NTRK2: variants seen among roughly 807,000 people sequenced by gnomAD.
The protein encoded by NTRK2 is BDNF/NT-3 growth factors receptor.
NTRK2 carries 13 observed loss-of-function variants against 94.5 expected under a neutral mutation model. The observed-to-expected ratio is 0.14, with a 90% CI of 0.09 to 0.22. NTRK2 has a LOEUF of 0.22. NTRK2 is among the 10% of genes least tolerant of loss of function. The pLI, the probability that NTRK2 is intolerant of heterozygous loss-of-function variation, is 1.00. For missense variants in NTRK2, 639 were observed against 1,071.2 expected (o/e 0.60, Z 5.63); for synonymous variants, 372 against 407.4 (o/e 0.91, Z 1.05).
intron 8 of NTRK2, 96 bp from the exon 9 acceptor site, chr9:84,727,558 T>C (rs2062554336): frequency 2.2e-5 from 27 of 1,215,158 alleles, no homozygotes; most frequent in Non-Finnish European, 2.7e-5. Flanking sequence ...AGCCAAACAA[T>C]GGTTGAGTAA....
At chr9:84,691,698 G>A (rs1441613432) in intron 2 of NTRK2, among the ~76,000 whole-genome samples, 1 of 152,168 alleles carries the variant, frequency 6.6e-6, no homozygotes, top group Non-Finnish European at 1.5e-5. Flanking sequence ...GGGGGAAGCA[G>A]CCCTGTGACT....
chr9:84,671,519 T>A (rs1226543504), intron 2 of NTRK2, among the ~76,000 whole-genome samples: 4 of 152,182 alleles, frequency 2.6e-5, no homozygotes, highest in Non-Finnish European at 1.5e-5. Flanking sequence ...TTGAAAATGA[T>A]CTGTAAGAGG....
chr9:84,701,973 C>G (rs760070919), intron 2 of NTRK2, among the ~76,000 whole-genome samples, 186 bp from the exon 3 acceptor site: 5 of 152,098 alleles, frequency 3.3e-5, no homozygotes, highest in Admixed American at 1.3e-4. Context: ...ACCATGAAAC[C>G]TGGTCAGTCA....
At chr9:85,007,895 T>G (rs10125141) in intron 17 of NTRK2, among the ~76,000 whole-genome samples, 1 of 151,956 alleles carries the variant, frequency 6.6e-6, no homozygotes, top group East Asian at 1.9e-4. Context: ...GGTAGCTAGA[T>G]GTTAAACATT....
chr9:84,788,644 G>A (rs1006204858), intron 12 of NTRK2, among the ~76,000 whole-genome samples: 1 of 152,122 alleles, frequency 6.6e-6, no homozygotes, highest in Admixed American at 6.5e-5. Context: ...AGCTCAAGGT[G>A]GGGTGTTCTG....
chr9:84,794,329 C>T (rs1469464588), intron 12 of NTRK2, among the ~76,000 whole-genome samples: 2 of 152,178 alleles, frequency 1.3e-5, no homozygotes, highest in African/African-American at 4.8e-5. Flanking sequence ...GGTGCATTTG[C>T]TTATATGGAC....
intron 17 of NTRK2, among the ~76,000 whole-genome samples, chr9:85,019,665 T>C (rs915558093): frequency 6.6e-6 from 1 of 152,228 alleles, no homozygotes; most frequent in Non-Finnish European, 1.5e-5. Flanking sequence ...GCAATCTGAA[T>C]CTTATTGCCT....
At chr9:84,971,714 A>G (rs931148067) in intron 17 of NTRK2, among the ~76,000 whole-genome samples, 1 of 152,234 alleles carries the variant, frequency 6.6e-6, no homozygotes, top group African/African-American at 2.4e-5. Context: ...AGGGCTTTGC[A>G]ACTCTGTGAG....
At chr9:84,768,388 A>G (rs1322777165) in intron 12 of NTRK2, among the ~76,000 whole-genome samples, 1 of 152,172 alleles carries the variant, frequency 6.6e-6, no homozygotes, top group Non-Finnish European at 1.5e-5. Context: ...GAAGACACTC[A>G]GTCATTCCTA....
intron 12 of NTRK2, among the ~76,000 whole-genome samples, chr9:84,840,114 C>T (rs2074090204): frequency 6.6e-6 from 1 of 152,026 alleles, no homozygotes; most frequent in Admixed American, 6.6e-5. Flanking sequence ...GGAAAAATAG[C>T]CAGCCAGTTC....
chr9:84,926,000 G>A (rs974089287), intron 14 of NTRK2, among the ~76,000 whole-genome samples: 1 of 152,112 alleles, frequency 6.6e-6, no homozygotes, highest in Non-Finnish European at 1.5e-5. Context: ...CACAGAGAAG[G>A]AAGTCATATT....
In NTRK2 at chr9:85,014,293, C is replaced by A. The variant is rs1203890216; in HGVS notation, c.2173-5913C>A. On this transcript the variant is annotated intron_variant, in intron 17 of 18. Transcript: ENST00000277120. Reference sequence around the variant, plus strand: ...TGATAAATGCATTTTCTAAGAAGCCCAACATAGTGGGGAGAGCTAACCTGT... The same window carrying A: ...TGATAAATGCATTTTCTAAGAAGCCAAACATAGTGGGGAGAGCTAACCTGT... Among the ~76,000 whole-genome samples the A allele has an allele frequency of 5.9e-5, 9 of 152,112 alleles. No individual in the cohort carries two copies. In the East Asian group the frequency reaches 1.7e-3, roughly 29 times the overall value.
chr9:84,866,641 T>C (rs1278875185), intron 13 of NTRK2, among the ~76,000 whole-genome samples: 1 of 152,196 alleles, frequency 6.6e-6, no homozygotes, highest in Non-Finnish European at 1.5e-5. Flanking sequence ...TATAAAATGG[T>C]GCAGCCACTT....
chr9:84,678,515 C>T (rs1176469143), intron 2 of NTRK2, among the ~76,000 whole-genome samples: 1 of 152,202 alleles, frequency 6.6e-6, no homozygotes, highest in Non-Finnish European at 1.5e-5. Flanking sequence ...GAGTCCCTTG[C>T]TGTGAGGTGG....
At position 84,977,525 on chromosome 9, in the gene NTRK2, G is replaced by A. The variant is rs140539122; in HGVS notation, c.2172+22008G>A. Among the ~76,000 whole-genome samples the A allele has an allele frequency of 2.4e-3, 364 of 152,314 alleles. 4 individuals carry two copies. Among genetic ancestry groups the A allele is most frequent in the African/African-American group, 8.4e-3 (350 of 41,564 alleles). On this transcript the variant is annotated intron_variant, in intron 17 of 18. Coordinates refer to ENST00000277120, the MANE Select transcript of NTRK2 (RefSeq NM_006180.6). ...ATCAGACAACTCAAATATTTTTGCT[G>A]CTCTGTGCATGGTTGTGAATGACTG...
intron 10 of NTRK2, among the ~76,000 whole-genome samples, chr9:84,742,481 G>A (rs1036700657): frequency 6.6e-6 from 1 of 152,198 alleles, no homozygotes; most frequent in Non-Finnish European, 1.5e-5. Flanking sequence ...AGAGAATGTG[G>A]CGGGGGAGCT....
intron 12 of NTRK2, among the ~76,000 whole-genome samples, chr9:84,770,614 T>C (rs552707694): frequency 7.9e-5 from 12 of 152,336 alleles, no homozygotes; most frequent in South Asian, 6.2e-4. Flanking sequence ...ACTATTTCTG[T>C]CTCTCATTTG....
intron 14 of NTRK2, chr9:84,876,414 A>G (rs201402175): frequency 2.7e-4 from 284 of 1,054,574 alleles, no homozygotes; most frequent in Non-Finnish European, 3.2e-4. Context: ...TTCATGCTCA[A>G]TACTTACTCC....
chr9:85,023,703 A>G lies in NTRK2; in HGVS notation c.*2266A>G, dbSNP rs189301450. ...CATGTATGTATCATATTAAGGACCC[A>G]TGGTACTCTTAAAACACTGTAGAAC... On this transcript the variant is annotated 3_prime_UTR_variant, in exon 19 of 19. Transcript: ENST00000277120. The G allele has an allele frequency of 8.3e-4, 191 of 230,914 alleles. 1 individual carries two copies. The highest frequency in any genetic ancestry group is 2.0e-3 in the Admixed American group (35 of 17,714). The allele number at this position is 230,914 out of a possible 1,614,324, so 14.3% of individuals were successfully genotyped here.
Sources: gnomAD v4.1 joint callset for allele counts (sites outside exome capture counted in the v4.1 genomes callset) on GRCh38, gnomAD v4.1.1 for gene constraint, MANE v1.5 for transcripts, NCBI Gene and HGNC (gene_info 2026-07-23, HGNC 2026-07-21) for gene names.